Variants in GRIK2 observed in about 807,000 individuals in gnomAD.
GRIK2 encodes the protein glutamate ionotropic receptor kainate type subunit 2.
Under a neutral mutation model 100.3 loss-of-function variants are expected in GRIK2, and 32 were observed. That is an observed-to-expected ratio of 0.32 (90% confidence interval 0.24 to 0.43). The LOEUF (loss-of-function observed/expected upper bound fraction) is 0.43. GRIK2 is among the 20% of genes least tolerant of loss of function. The pLI is 1.00. For missense variants in GRIK2, 843 were observed against 1,114.9 expected (o/e 0.76, Z 3.47); for synonymous variants, 417 against 389.4 (o/e 1.07, Z -0.83).
chr6:101,954,627 T>C (rs1360226313), intron 14 of GRIK2, among the ~76,000 whole-genome samples: 3 of 152,200 alleles, frequency 2.0e-5, no homozygotes, highest in Non-Finnish European at 1.5e-5. Flanking sequence ...GGATTTCCTA[T>C]ATACAAGATC....
chr6:102,010,530 T>C (rs899285813), intron 14 of GRIK2, among the ~76,000 whole-genome samples: 6 of 151,880 alleles, frequency 4.0e-5, no homozygotes, highest in African/African-American at 1.4e-4. Context: ...ACTACAGTCA[T>C]GTGCCACCAT....
chr6:101,782,595 A>T (rs1490774748), intron 7 of GRIK2, among the ~76,000 whole-genome samples: 3 of 152,030 alleles, frequency 2.0e-5, no homozygotes, highest in African/African-American at 7.3e-5. Context: ...CATTTTCTTT[A>T]CCTATTCATG....
At chr6:102,018,363 A>G (rs1475067245) in intron 14 of GRIK2, among the ~76,000 whole-genome samples, 1 of 152,084 alleles carries the variant, frequency 6.6e-6, no homozygotes, top group African/African-American at 2.4e-5. Context: ...TTCTCGCCAA[A>G]TATGTTAGGC....
chr6:101,430,097 G>T (rs1415950), intron 2 of GRIK2, among the ~76,000 whole-genome samples: 8,602 of 152,142 alleles, frequency 0.057, 397 homozygotes, highest in South Asian at 0.14. Flanking sequence ...AGACTGCTGG[G>T]CACACAGACT....
At chr6:101,521,252 A>G (rs1774868911) in intron 2 of GRIK2, among the ~76,000 whole-genome samples, 1 of 151,676 alleles carries the variant, frequency 6.6e-6, no homozygotes, top group African/African-American at 2.4e-5. Flanking sequence ...TATTGTATAT[A>G]GTAAACCTTA....
In GRIK2 at chr6:101,866,900, TTGTGTGTGTGTGTGTGTGAA is replaced by T. The variant is rs1562450131; in HGVS notation, c.1524+7423_1524+7442del. Among the ~76,000 whole-genome samples the T allele has an allele frequency of 1.5e-4, 23 of 149,328 alleles. 1 individual carries two copies. The highest frequency in any genetic ancestry group is 1.5e-5 in the Non-Finnish European group (1 of 66,974). ...GCTAAGACTTTATCTCTTAATTTCA[TTGTGTGTGTGTGTGTGTGAA>T]TGTGTGTGTGTGTGTTTTCATATAG... On this transcript the variant is annotated intron_variant, in intron 11 of 16. Coordinates refer to ENST00000369134, the MANE Select transcript of GRIK2 (RefSeq NM_021956.5).
chr6:101,983,588 C>A (rs1793843019), intron 14 of GRIK2, among the ~76,000 whole-genome samples: 1 of 151,650 alleles, frequency 6.6e-6, no homozygotes, highest in Admixed American at 6.6e-5. Context: ...ATATTATTAT[C>A]TGGGATAGAA....
At chr6:101,459,780 C>CT (rs111457676) in intron 2 of GRIK2, among the ~76,000 whole-genome samples, 8,870 of 143,688 alleles carry the variant, frequency 0.062, 284 homozygotes, top group South Asian at 0.099. Flanking sequence ...ACATCTCTTG[C>CT]TTTTTTTTTT....
At chr6:101,637,284 C>G (rs2128322900) in intron 4 of GRIK2, among the ~76,000 whole-genome samples, 1 of 152,214 alleles carries the variant, frequency 6.6e-6, no homozygotes, top group Admixed American at 6.5e-5. Flanking sequence ...ATTCACAGTT[C>G]CAGCCATCAC....
chr6:101,790,944 A>G lies in GRIK2; in HGVS notation c.952-8704A>G, dbSNP rs534989953. ...TCCTGGTTTAGTCTTGGGAGGGTGT[A>G]TATGTCGAGGAATTTATCCATTTCT... On this transcript the variant is annotated intron_variant, in intron 7 of 16. Transcript: ENST00000369134. Among the ~76,000 whole-genome samples, 1,155 of 151,852 alleles carry G rather than the reference A, an allele frequency of 7.6e-3. 7 individuals carry two copies. The highest frequency in any genetic ancestry group is 9.7e-3 in the Non-Finnish European group (660 of 67,942).
intron 7 of GRIK2, among the ~76,000 whole-genome samples, chr6:101,705,919 ATATG>A (rs1290018803): frequency 6.6e-6 from 1 of 151,946 alleles, no homozygotes; most frequent in Non-Finnish European, 1.5e-5. Context: ...ATGTTAAAAA[ATATG>A]TAAGGAGACA....
intron 14 of GRIK2, among the ~76,000 whole-genome samples, chr6:101,989,441 A>G (rs1562092635): frequency 1.3e-5 from 2 of 151,776 alleles, no homozygotes; most frequent in Admixed American, 6.6e-5. Flanking sequence ...TTGCCCGGAT[A>G]AAGCATTAGA....
intron 14 of GRIK2, among the ~76,000 whole-genome samples, chr6:101,966,386 T>C (rs1405512934): frequency 6.6e-6 from 1 of 152,126 alleles, no homozygotes; most frequent in Non-Finnish European, 1.5e-5. Flanking sequence ...ATTTAAAAAA[T>C]ATATTATGAA....
At chr6:102,019,014 C>T (rs1388402623) in intron 14 of GRIK2, among the ~76,000 whole-genome samples, 1 of 151,766 alleles carries the variant, frequency 6.6e-6, no homozygotes, top group Non-Finnish European at 1.5e-5. Context: ...ATTGTGTTTT[C>T]AGTTGGCTAT....
At chr6:101,873,351 T>A (rs1158071110) in intron 11 of GRIK2, among the ~76,000 whole-genome samples, 1 of 150,196 alleles carries the variant, frequency 6.7e-6, no homozygotes, top group East Asian at 2.0e-4. Flanking sequence ...TGGTGTTTGG[T>A]TTTTTGTCCT....
intron 2 of GRIK2, among the ~76,000 whole-genome samples, chr6:101,520,049 C>CA (rs1268864349): frequency 2.0e-5 from 3 of 152,080 alleles, no homozygotes; most frequent in Non-Finnish European, 4.4e-5. Context: ...TAGATTGTCT[C>CA]AAAATCACAA....
intron 7 of GRIK2, among the ~76,000 whole-genome samples, chr6:101,773,262 C>T (rs1778517325): frequency 6.6e-6 from 1 of 151,966 alleles, no homozygotes; most frequent in Non-Finnish European, 1.5e-5. Context: ...GGGCGGATCA[C>T]GAGGTGAGGA....
intron 7 of GRIK2, among the ~76,000 whole-genome samples, chr6:101,767,219 C>T (rs909423605): frequency 6.6e-6 from 1 of 152,156 alleles, no homozygotes; most frequent in Non-Finnish European, 1.5e-5. Flanking sequence ...TCTTACATAT[C>T]AATCATGAGT....
intron 14 of GRIK2, among the ~76,000 whole-genome samples, chr6:101,978,296 A>G (rs1793520150): frequency 6.6e-6 from 1 of 151,966 alleles, no homozygotes; most frequent in Non-Finnish European, 1.5e-5. Flanking sequence ...TTAATTATAC[A>G]TTTCTATATG....
Sources: allele counts gnomAD v4.1 joint callset (sites outside exome capture counted in the v4.1 genomes callset), GRCh38; gene constraint gnomAD v4.1.1; transcripts MANE v1.5; gene names NCBI Gene and HGNC (gene_info 2026-07-23, HGNC 2026-07-21).